Variants in ZZEF1 observed in about 807,000 individuals in gnomAD.
ZZEF1 encodes the protein zinc finger ZZ-type and EF-hand domain containing 1.
A neutral mutation model predicts 342.8 loss-of-function variants in ZZEF1; 157 were observed. The ratio of observed to expected loss-of-function variants is 0.46; its 90% CI spans 0.40 to 0.52. The LOEUF (loss-of-function observed/expected upper bound fraction) is 0.52, where lower values mean the gene tolerates loss of function less well. Among genes scored for constraint, ZZEF1 ranks in the 20% least tolerant of loss-of-function variants. The pLI is 0.00. For synonymous variants in ZZEF1, 1,505 were observed against 1,429.1 expected, an observed-to-expected ratio of 1.05 and a Z score of -1.20; for missense variants, 3,480 against 3,725.6, an observed-to-expected ratio of 0.93 and a Z score of 1.72.
chr17:4,037,925 A>G lies in ZZEF1; in HGVS notation c.6307-3633T>C, dbSNP rs138558355. The stretch of plus-strand genomic sequence containing the variant: ...CTCCTGCCATAAAAGACACTTTTGG[A>G]GCAAACTAGTGAAACTTGAGTAGGG... On this transcript the variant is annotated intron_variant, in intron 39 of 54. Coordinates refer to ENST00000381638, the MANE Select transcript of ZZEF1 (RefSeq NM_015113.4). Among the ~76,000 whole-genome samples the G allele has an allele frequency of 8.7e-4, 132 of 152,292 alleles. 1 individual carries two copies. The highest frequency in any genetic ancestry group is 2.9e-3 in the African/African-American group (121 of 41,564).
chr17:4,057,945 G>A (rs758455519), intron 32 of ZZEF1, 49 bp downstream of exon 32: 125 of 1,579,510 alleles, frequency 7.9e-5, no homozygotes, highest in South Asian at 6.1e-4. Context: ...TGTTCCTTGC[G>A]TTTCATAACC....
Position 4,056,342 on chromosome 17 carries a change from T to C in ZZEF1, c.5169A>G (p.Gln1723=), listed in dbSNP as rs981343994. ...NISVHDSVIS[Q]WSEEDELADA... Reference sequence around the variant, plus strand: ...CAGCAAGCTCATCTTCTTCACTCCATTGGCTGAAAGAAGGACATAAAGAGA... The same window carrying C: ...CAGCAAGCTCATCTTCTTCACTCCACTGGCTGAAAGAAGGACATAAAGAGA... Residue 1723 remains glutamine, a synonymous_variant, in exon 33 of 55, where the codon CAA becomes CAG. Coordinates refer to ENST00000381638, the MANE Select transcript of ZZEF1 (RefSeq NM_015113.4). The C allele has an allele frequency of 2.0e-5, 32 of 1,588,648 alleles. No individual in the cohort carries two copies. Among genetic ancestry groups the C allele is most frequent in the Non-Finnish European group, 2.7e-5 (31 of 1,167,720 alleles).
rs149234543 is a variant in ZZEF1, at chr17:4,082,497, G to A, written c.2654C>T (p.Thr885Ile). ...CAGGGACTGCTTGTGCTCCTGCTCG[G>A]TGACATTCTTCTAGAAAACCAGAAA... is the stretch of plus-strand genomic sequence containing the variant. ...RNHLFTMMNV[T>I]EQEHKQSLQL... Residue 885 changes from threonine to isoleucine, a missense_variant, in exon 17 of 55, where the codon ACC (threonine) becomes ATC (isoleucine). Thr to Ile is a moderately conservative substitution (Grantham distance 89, BLOSUM62 -1). This residue lies in a region of ZZEF1 where 1,528 missense variants were observed against 1,624.1 expected (regional missense o/e 0.94). Transcript: ENST00000381638. 109 of 1,613,830 alleles carry A rather than the reference G, an allele frequency of 6.8e-5. No homozygotes were observed. Among genetic ancestry groups the A allele is most frequent in the Non-Finnish European group, 8.9e-5 (105 of 1,179,948 alleles).
chr17:4,022,562 A>C, intron 44 of ZZEF1, 147 bp downstream of exon 44: 1 of 1,085,076 alleles, frequency 9.2e-7, no homozygotes, highest in Non-Finnish European at 1.3e-6. Flanking sequence ...TATTTCCAAC[A>C]GGGAATACAG....
intron 26 of ZZEF1, among the ~76,000 whole-genome samples, chr17:4,070,161 C>T (rs144142950): frequency 1.3e-5 from 2 of 152,306 alleles, no homozygotes; most frequent in African/African-American, 2.4e-5. Flanking sequence ...GGTGATGCTA[C>T]GAAGGCGCTG....
intron 2 of ZZEF1, among the ~76,000 whole-genome samples, chr17:4,120,046 A>G (rs1435311981): frequency 6.6e-6 from 1 of 152,178 alleles, no homozygotes; most frequent in Admixed American, 6.5e-5. Flanking sequence ...CAACTAAAGG[A>G]ATCCATCCTT....
In ZZEF1 at chr17:4,104,650, T is replaced by C; in HGVS notation, c.1556A>G (p.Asn519Ser). Residue 519 changes from asparagine to serine, a missense_variant, in exon 8 of 55, where the codon AAC becomes AGC. Asn to Ser is a conservative substitution (Grantham distance 46). Around this residue, in one of 5 missense-constraint regions of ZZEF1, gnomAD observed 1,528 missense variants for 1,624.1 expected, o/e 0.94. Transcript: ENST00000381638. ...ATATTTACCATATTTGAGGAGCAGG[T>C]TCTGTCTGACTGACGCCATGGACAA... ...LILSMASVRQ[N>S]LLLKYGKPLQ... The C allele has an allele frequency of 7.4e-6, 12 of 1,614,014 alleles. No individual in the cohort carries two copies. The highest frequency in any genetic ancestry group is 1.0e-5 in the Non-Finnish European group (12 of 1,179,984).
intron 1 of ZZEF1, among the ~76,000 whole-genome samples, chr17:4,134,886 T>C (rs78484155): frequency 0.026 from 3,984 of 152,106 alleles, 166 homozygotes; most frequent in African/African-American, 0.091. Context: ...TTTGAAAGTA[T>C]ATGGCGAGGG....
intron 4 of ZZEF1, 131 bp from the exon 5 acceptor site, chr17:4,112,939 G>T: frequency 1.3e-6 from 1 of 751,904 alleles, no homozygotes; most frequent in Non-Finnish European, 2.0e-6. Flanking sequence ...CAACTAACTT[G>T]AAATGCTGGC....
At chr17:4,073,227 T>TA (rs2057544904) in intron 24 of ZZEF1, among the ~76,000 whole-genome samples, 2 of 152,318 alleles carry the variant, frequency 1.3e-5, no homozygotes, top group South Asian at 4.1e-4. Context: ...GGAGAAATAT[T>TA]AAAAAAATCA....
Position 4,077,950 on chromosome 17 carries a change from C to A in ZZEF1, c.2922G>T (p.Trp974Cys). 1 of 1,614,134 alleles carries A rather than the reference C, an allele frequency of 6.2e-7. No homozygotes were observed. Among genetic ancestry groups the A allele is most frequent in the Non-Finnish European group, 8.5e-7 (1 of 1,180,022 alleles). ...FWSVQGSLLS[W>C]CYLQLKSTDS... is the part of the protein sequence containing the mutation. ...CCGTGCTCTTCAGCTGCAGGTAGCA[C>A]CAGGATAGCAGGCTGCCTTGGACGG... The change falls in exon 19 of 55, where the codon TGG (tryptophan) becomes TGT (cysteine). Residue 974 changes from tryptophan (W) to cysteine (C), a missense_variant. Around this residue, in one of 5 missense-constraint regions of ZZEF1, gnomAD observed 1,528 missense variants for 1,624.1 expected, o/e 0.94. Coordinates refer to ENST00000381638, the MANE Select transcript of ZZEF1 (RefSeq NM_015113.4).
chr17:4,014,331 G>GT lies in ZZEF1; in HGVS notation c.8314+15dup, dbSNP rs1282970057. The GT allele has an allele frequency of 1.2e-6, 2 of 1,614,044 alleles. No individual in the cohort carries two copies. The highest frequency in any genetic ancestry group is 2.2e-5 in the South Asian group (2 of 91,068). On this transcript the variant is annotated intron_variant, in intron 50 of 54. Transcript: ENST00000381638. This position sits in a 1 kb window ranked among gnomAD's most constrained non-coding sequence, Gnocchi z 4.4. ...GCCTGTGAAGAACCTATCTAATCGA[G>GT]TATTTGTTTCACTACCTGGAAGTTC...
intron 52 of ZZEF1, among the ~76,000 whole-genome samples, chr17:4,012,690 T>C (rs1455895936): frequency 6.6e-6 from 1 of 152,170 alleles, no homozygotes; most frequent in Non-Finnish European, 1.5e-5. Flanking sequence ...TGTCTAAGCA[T>C]TGAGAGGAAG....
intron 1 of ZZEF1, among the ~76,000 whole-genome samples, chr17:4,131,335 A>G (rs7220352): frequency 0.041 from 6,216 of 152,238 alleles, 470 homozygotes; most frequent in African/African-American, 0.14. Flanking sequence ...ATAGAATGCC[A>G]ATGTGTTTAA....
At chr17:4,044,977 A>T (rs1333118441) in intron 37 of ZZEF1, among the ~76,000 whole-genome samples, 1 of 148,550 alleles carries the variant, frequency 6.7e-6, no homozygotes, top group African/African-American at 2.5e-5. Flanking sequence ...AACATGGCGA[A>T]ACCCCATCTC....
At chr17:4,021,096 C>G in intron 45 of ZZEF1, 33 bp downstream of exon 45, 1 of 1,553,740 alleles carries the variant, frequency 6.4e-7, no homozygotes, top group Non-Finnish European at 8.7e-7. Flanking sequence ...CTCAGAAGCC[C>G]CTCCTAAGCC....
chr17:4,009,047 A>G (rs2055875496), intron 53 of ZZEF1, 93 bp from the exon 54 acceptor site: 1 of 1,428,574 alleles, frequency 7.0e-7, no homozygotes, highest in Non-Finnish European at 9.5e-7. Context: ...CGAAAGCAGA[A>G]GCCTCTCATG....
chr17:4,066,361 T>C (rs1219973673), intron 28 of ZZEF1, 86 bp downstream of exon 28: 3 of 1,153,952 alleles, frequency 2.6e-6, no homozygotes, highest in South Asian at 1.3e-5. Context: ...TCAATTAAGA[T>C]AATCTAGAAG....
chr17:4,027,286 C>CTTTTTTTTTTTTTTT lies in ZZEF1; in HGVS notation c.6893-2183_6893-2169dup, dbSNP rs1179743466. ...GACCTACGCACCCAGCAATATCTCACTTTTTTTTTTTTTTTTTTTTTTTTT... is the reference window on the plus strand; with the variant it reads ...GACCTACGCACCCAGCAATATCTCACTTTTTTTTTTTTTTTTTTTTTTTTTTTTTTTTTTTTTTTT... On this transcript the variant is annotated intron_variant, in intron 42 of 54. Coordinates refer to ENST00000381638, the MANE Select transcript of ZZEF1 (RefSeq NM_015113.4). Among the ~76,000 whole-genome samples the CTTTTTTTTTTTTTTT allele has an allele frequency of 4.9e-4, 33 of 67,982 alleles. 8 individuals are homozygous for CTTTTTTTTTTTTTTT. The highest frequency in any genetic ancestry group is 2.1e-3 in the African/African-American group (32 of 14,914). The allele number at this position is 67,982 out of a possible 152,430, so 44.6% of individuals were successfully genotyped here.
Sources: gnomAD v4.1 joint callset for allele counts (sites outside exome capture counted in the v4.1 genomes callset) on GRCh38, gnomAD v4.1.1 for gene constraint, gnomAD v4.1.1 regional missense constraint, Gnocchi (gnomAD v3.1) non-coding constraint, MANE v1.5 for transcripts, NCBI Gene and HGNC (gene_info 2026-07-23, HGNC 2026-07-21) for gene names.